The following ANK3 variants were observed in gnomAD, a reference collection of about 807,000 sequenced individuals.
ANK3 encodes ankyrin 3.
ANK3 carries 57 observed loss-of-function variants against 370.9 expected under a neutral mutation model. The observed-to-expected ratio is 0.15, with a 90% CI of 0.12 to 0.19. The LOEUF (loss-of-function observed/expected upper bound fraction) is 0.19. ANK3 is among the 10% of genes least tolerant of loss of function. The pLI is 1.00. For synonymous variants in ANK3, 1,929 were observed against 1,946.3 expected (o/e 0.99, Z 0.23); for missense variants, 4,439 against 5,302.1 (o/e 0.84, Z 5.06).
rs567395972 is a variant in ANK3 at position 60,556,002 on chromosome 10, T to C, written c.96+59184A>G. 2.1e-4 allele frequency among the ~76,000 whole-genome samples: 32 copies of C among 152,348 alleles called. No homozygotes were observed. The South Asian group carries it at 6.4e-3, about 31-fold the overall frequency. ...CCCAGTGGTATAGCTCACCTGGTAC[T>C]GCCCAAAATCGTGGGCCAAAGCCTT... On this transcript the variant is annotated intron_variant, in intron 2 of 43. Transcript: ENST00000373827.
chr10:60,060,465 T>A (rs537444257), intron 40 of ANK3: 2 of 152,434 alleles, frequency 1.3e-5, no homozygotes, highest in African/African-American at 4.8e-5. Flanking sequence ...ACAACTTTTA[T>A]ATTAATTACC....
At chr10:60,079,724 C>T (rs1316637990) in intron 36 of ANK3, among the ~76,000 whole-genome samples, 1 of 152,070 alleles carries the variant, frequency 6.6e-6, no homozygotes, top group African/African-American at 2.4e-5. Flanking sequence ...GAGCTCAATA[C>T]CCTTAGTTCC....
chr10:60,197,764 T>C lies in ANK3; in HGVS notation c.1689+576A>G, dbSNP rs187734407. Among the ~76,000 whole-genome samples the C allele has an allele frequency of 4.6e-4, 70 of 152,354 alleles. 1 individual carries two copies. Among genetic ancestry groups the C allele is most frequent in the Admixed American group, 4.6e-3 (70 of 15,308 alleles). ...CTTGCTATCACACTTGCAAGGCTTA[T>C]GTAGTATCACAAAAAAAATGAGCTC... On this transcript the variant is annotated intron_variant, in intron 14 of 43. Transcript: ENST00000280772.
chr10:60,482,348 AC>A (rs2075243666), intron 2 of ANK3, among the ~76,000 whole-genome samples: 1 of 152,142 alleles, frequency 6.6e-6, no homozygotes, highest in Admixed American at 6.5e-5. Flanking sequence ...TTCTGCCAGA[AC>A]CCAGATCTCC....
intron 15 of ANK3, 128 bp from the exon 16 acceptor site, chr10:60,196,371 G>T: frequency 1.0e-6 from 1 of 957,704 alleles, no homozygotes; most frequent in Non-Finnish European, 1.6e-6. Flanking sequence ...CACAGTACTT[G>T]GACCCCAGCA....
intron 2 of ANK3, among the ~76,000 whole-genome samples, chr10:60,612,782 G>C (rs1355497563): frequency 6.6e-6 from 1 of 152,150 alleles, no homozygotes; most frequent in East Asian, 1.9e-4. Context: ...CTGAATTCCT[G>C]GTGGCGTTGG....
chr10:60,221,057 C>T (rs1377812989), intron 8 of ANK3, among the ~76,000 whole-genome samples: 2 of 150,328 alleles, frequency 1.3e-5, no homozygotes, highest in African/African-American at 4.9e-5. Context: ...TTTCTTCTTA[C>T]AGATACATAT....
chr10:60,548,452 G>A (rs1249802490), intron 2 of ANK3, among the ~76,000 whole-genome samples: 1 of 151,870 alleles, frequency 6.6e-6, no homozygotes, highest in African/African-American at 2.4e-5. Context: ...GTTTCGCTAT[G>A]TTGGCCAGGC....
At chr10:60,326,913 A>G (rs10821726) in intron 1 of ANK3, among the ~76,000 whole-genome samples, 112,995 of 151,740 alleles carry the variant, frequency 0.74, 42,290 homozygotes, top group South Asian at 0.92. Flanking sequence ...CCAGCTACTC[A>G]GGAGGCTGAG....
intron 1 of ANK3, among the ~76,000 whole-genome samples, chr10:60,653,255 A>G (rs1439283476): frequency 6.6e-6 from 1 of 152,102 alleles, no homozygotes; most frequent in Non-Finnish European, 1.5e-5. Flanking sequence ...TTTTTCTTCT[A>G]GTTTTCTTCT....
At chr10:60,264,084 A>G in intron 5 of ANK3, 64 bp from the exon 6 acceptor site, 1 of 1,407,938 alleles carries the variant, frequency 7.1e-7, no homozygotes, top group Admixed American at 2.3e-5. Flanking sequence ...TTAAATTAAC[A>G]AATAAGAAGG....
At chr10:60,572,794 A>G in intron 2 of ANK3, 1 of 1,239,230 alleles carries the variant, frequency 8.1e-7, no homozygotes, top group Non-Finnish European at 1.0e-6. Flanking sequence ...TCAATATTTT[A>G]GCCTTTCATT....
At chr10:60,257,552 GTTAT>G (rs2097756498) in intron 7 of ANK3, among the ~76,000 whole-genome samples, 1 of 152,130 alleles carries the variant, frequency 6.6e-6, no homozygotes, top group Non-Finnish European at 1.5e-5. Flanking sequence ...TAATGTTTGA[GTTAT>G]TTCACACAAA....
chr10:60,578,678 T>C (rs1402814385), intron 2 of ANK3, among the ~76,000 whole-genome samples: 1 of 152,162 alleles, frequency 6.6e-6, no homozygotes, highest in Non-Finnish European at 1.5e-5. Flanking sequence ...GTACAAAAGA[T>C]GGACAGATAC....
At chr10:60,165,082 T>C (rs1461955045) in intron 23 of ANK3, among the ~76,000 whole-genome samples, 3 of 152,310 alleles carry the variant, frequency 2.0e-5, no homozygotes, top group South Asian at 2.1e-4. Flanking sequence ...TGTTAGTCCA[T>C]TCAAACTTGG....
chr10:60,044,372 A>G, intron 42 of ANK3: 2 of 966,144 alleles, frequency 2.1e-6, no homozygotes, highest in Non-Finnish European at 2.5e-6. Flanking sequence ...CATAAAGATT[A>G]GCAACATACT....
chr10:60,501,566 G>A (rs1274982942), intron 2 of ANK3, among the ~76,000 whole-genome samples: 4 of 151,940 alleles, frequency 2.6e-5, no homozygotes, highest in East Asian at 1.9e-4. Context: ...TTAGCTGGGC[G>A]TGGTGGTGCA....
intron 2 of ANK3, among the ~76,000 whole-genome samples, chr10:60,594,070 G>C (rs2077953994): frequency 6.6e-6 from 1 of 152,078 alleles, no homozygotes; most frequent in South Asian, 2.1e-4. Flanking sequence ...GAGATTTATA[G>C]AACTAAAACT....
chr10:60,084,737 C>T lies in ANK3; in HGVS notation c.3939G>A (p.Lys1313=). Residue 1313 remains lysine (K), a synonymous_variant, in exon 32 of 44, where the codon AAG becomes AAA. Transcript: ENST00000280772. ...CATTCATTTTGGCAAAAACAACAAA[C>T]TTGGCCATATATGGAACACATATCA... The part of the protein sequence containing the change: ...RELICVPYMA[K]FVVFAKMNDP... The T allele has an allele frequency of 6.2e-7, 1 of 1,613,580 alleles. No individual in the cohort carries two copies. The highest frequency in any genetic ancestry group is 8.5e-7 in the Non-Finnish European group (1 of 1,179,814).
Sources: allele counts gnomAD v4.1 joint callset (sites outside exome capture counted in the v4.1 genomes callset), GRCh38; gene constraint gnomAD v4.1.1; transcripts MANE v1.5; gene names NCBI Gene and HGNC (gene_info 2026-07-23, HGNC 2026-07-21).